The following NAV3 variants were observed in gnomAD, a reference collection of about 807,000 sequenced individuals.
NAV3 encodes neuron navigator 3, also known as pore membrane and/or filament interacting like protein 1.
A neutral mutation model predicts 244.7 loss-of-function variants in NAV3; 87 were observed. That is an observed-to-expected ratio of 0.36 (90% CI 0.30 to 0.42). The LOEUF (loss-of-function observed/expected upper bound fraction) is 0.42. Among genes scored for constraint, NAV3 ranks in the 20% least tolerant of loss-of-function variants. NAV3 has a pLI of 1.00. For missense variants in NAV3, 2,663 were observed against 2,893.3 expected (o/e 0.92, Z 1.83); for synonymous variants, 1,126 against 1,042.2 (o/e 1.08, Z -1.55).
In NAV3 at chr12:77,963,852, C is replaced by G. The variant is rs374385602; in HGVS notation, c.415-2377C>G. ...TTCCCCTTCCTTCCTTCCTTCCTTC[C>G]CTCCCTCCCTCCCTCCCTCCTTCCT... On this transcript the variant is annotated intron_variant, in intron 3 of 39. Transcript: ENST00000397909. 2.2e-3 allele frequency among the ~76,000 whole-genome samples: 204 copies of G among 93,824 alleles called. No individual in the cohort carries two copies. In the East Asian group the frequency reaches 0.036, roughly 16 times the overall value. The allele number at this position is 93,824 out of a possible 152,430, so 61.6% of individuals were successfully genotyped here.
chr12:77,994,004 T>C (rs1043902981), intron 5 of NAV3, among the ~76,000 whole-genome samples: 28 of 152,222 alleles, frequency 1.8e-4, no homozygotes, highest in Admixed American at 1.4e-3. Context: ...CAGAGATCAG[T>C]TGAACTTAAT....
chr12:78,097,593 A>C (rs969816655), intron 12 of NAV3, among the ~76,000 whole-genome samples: 1 of 152,178 alleles, frequency 6.6e-6, no homozygotes, highest in Non-Finnish European at 1.5e-5. Flanking sequence ...GAATGTTTTT[A>C]TTATAATACA....
intron 2 of NAV3, among the ~76,000 whole-genome samples, chr12:77,806,822 A>G (rs148396840): frequency 6.6e-6 from 1 of 152,278 alleles, no homozygotes; most frequent in Non-Finnish European, 1.5e-5. Context: ...TACATCTCTA[A>G]GAACTTACTT....
intron 2 of NAV3, among the ~76,000 whole-genome samples, chr12:77,741,444 G>A (rs1466586451): frequency 1.3e-5 from 2 of 152,006 alleles, no homozygotes; most frequent in African/African-American, 4.8e-5. Flanking sequence ...TTGTGTTTGT[G>A]TGTTGCTGTC....
intron 2 of NAV3, among the ~76,000 whole-genome samples, chr12:77,800,749 TA>T (rs1376080275): frequency 2.0e-5 from 3 of 152,158 alleles, no homozygotes; most frequent in Non-Finnish European, 4.4e-5. Context: ...GGATTATTTT[TA>T]AGATCTGCTT....
chr12:78,181,808 G>C (rs300519), intron 30 of NAV3, among the ~76,000 whole-genome samples: 59,176 of 151,778 alleles, frequency 0.39, 12,443 homozygotes, highest in Non-Finnish European at 0.48. Flanking sequence ...TTATAGAATG[G>C]AGATAGTACA....
chr12:78,096,929 C>T (rs1215156710), intron 12 of NAV3, among the ~76,000 whole-genome samples: 1 of 152,166 alleles, frequency 6.6e-6, no homozygotes, highest in African/African-American at 2.4e-5. Flanking sequence ...TGTCCTGACC[C>T]TTTCTGTGCA....
chr12:77,956,316 G>A (rs1336853712), intron 3 of NAV3, among the ~76,000 whole-genome samples: 2 of 152,068 alleles, frequency 1.3e-5, no homozygotes, highest in Non-Finnish European at 2.9e-5. Flanking sequence ...ATGAAAAATA[G>A]CACAAGTCAC....
intron 11 of NAV3, among the ~76,000 whole-genome samples, chr12:78,058,005 A>C (rs1401240864): frequency 1.3e-5 from 2 of 152,212 alleles, no homozygotes; most frequent in Non-Finnish European, 2.9e-5. Flanking sequence ...TTTAAATGTT[A>C]TCTATGCCAC....
At chr12:78,011,751 A>G (rs1248122825) in intron 8 of NAV3, among the ~76,000 whole-genome samples, 1 of 152,214 alleles carries the variant, frequency 6.6e-6, no homozygotes, top group East Asian at 1.9e-4. Flanking sequence ...ACACTGCTAT[A>G]AAGAAATTCC....
chr12:77,989,757 C>A (rs1871143974), intron 5 of NAV3, among the ~76,000 whole-genome samples: 1 of 152,106 alleles, frequency 6.6e-6, no homozygotes, highest in Non-Finnish European at 1.5e-5. Context: ...ATAAATAAAT[C>A]AAACATAAAG....
intron 2 of NAV3, among the ~76,000 whole-genome samples, chr12:77,717,383 A>C (rs770542): frequency 0.96 from 146,710 of 152,172 alleles, 70,765 homozygotes; most frequent in East Asian, 1. Context: ...ATTTGTCCTT[A>C]AGCAACTGGC....
chr12:77,854,402 A>G (rs1366885209), intron 1 of NAV3, among the ~76,000 whole-genome samples: 1 of 152,194 alleles, frequency 6.6e-6, no homozygotes, highest in Non-Finnish European at 1.5e-5. Flanking sequence ...ATTATTATCA[A>G]ACAAGTGTCC....
At chr12:78,143,518 C>G (rs1275485411) in intron 20 of NAV3, 2 of 290,178 alleles carry the variant, frequency 6.9e-6, no homozygotes, top group African/African-American at 4.7e-5. Context: ...GTAATCCCAG[C>G]TATTTGGGAG....
At chr12:78,003,413 C>T (rs76847000) in intron 7 of NAV3, among the ~76,000 whole-genome samples, 1,872 of 152,264 alleles carry the variant, frequency 0.012, 36 homozygotes, top group African/African-American at 0.043. Flanking sequence ...TATCAATGAG[C>T]ACAATGCCTG....
At position 77,643,812 on chromosome 12, in the gene NAV3, A is replaced by G. The variant is rs185625282; in HGVS notation, c.72+71546A>G. Among the ~76,000 whole-genome samples the G allele has an allele frequency of 3.2e-4, 49 of 152,244 alleles. 1 individual carries two copies. The highest frequency in any genetic ancestry group is 1.1e-3 in the African/African-American group (45 of 41,572). ...TGTTATTGCATATTAGGCAAGTATC[A>G]TAAAAGCAAGAACCTTAAATTTAAA... is the stretch of plus-strand genomic sequence containing the variant. On this transcript the variant is annotated intron_variant, in intron 2 of 8. Coordinates refer to the NAV3 transcript ENST00000550042.
intron 21 of NAV3, among the ~76,000 whole-genome samples, chr12:78,147,279 C>A (rs1956899838): frequency 6.6e-6 from 1 of 151,970 alleles, no homozygotes; most frequent in African/African-American, 2.4e-5. Flanking sequence ...ATGGACATGA[C>A]AAAGCTTCTA....
chr12:77,958,274 G>T (rs1891556064), intron 3 of NAV3, among the ~76,000 whole-genome samples: 1 of 152,128 alleles, frequency 6.6e-6, no homozygotes, highest in Admixed American at 6.6e-5. Context: ...AAATAATTCA[G>T]TGCTCTTTAG....
intron 2 of NAV3, among the ~76,000 whole-genome samples, chr12:77,704,515 C>T (rs978461753): frequency 6.6e-6 from 1 of 152,112 alleles, no homozygotes; most frequent in Non-Finnish European, 1.5e-5. Context: ...GACAATCCAG[C>T]AATTGTTGCA....
Sources: allele counts gnomAD v4.1 joint callset (sites outside exome capture counted in the v4.1 genomes callset), GRCh38; gene constraint gnomAD v4.1.1; transcripts MANE v1.5; gene names NCBI Gene and HGNC (gene_info 2026-07-23, HGNC 2026-07-21).